The following CAMK2B variants were observed in gnomAD, a reference collection of about 807,000 sequenced individuals.
The protein encoded by CAMK2B is calcium/calmodulin dependent protein kinase II beta.
In CAMK2B, 27 loss-of-function variants were observed where a neutral mutation model predicts 93.7. The ratio of observed to expected loss-of-function variants is 0.29; its 90% CI spans 0.21 to 0.40. The LOEUF is 0.40. Ranked by LOEUF, CAMK2B falls within the 10% of genes least tolerant of loss-of-function variation. The pLI, the probability that CAMK2B is intolerant of heterozygous loss-of-function variation, is 1.00. For missense variants in CAMK2B, 568 were observed against 895.8 expected (o/e 0.63, Z 4.67); for synonymous variants, 374 against 358.8 (o/e 1.04, Z -0.48).
chr7:44,272,322 G>T (rs747668413), intron 2 of CAMK2B, among the ~76,000 whole-genome samples: 1 of 152,098 alleles, frequency 6.6e-6, no homozygotes, highest in African/African-American at 2.4e-5. Context: ...GGTGTCGAAG[G>T]GGGTAGGCGG....
intron 5 of CAMK2B, among the ~76,000 whole-genome samples, chr7:44,250,819 T>C (rs1442394514): frequency 2.6e-5 from 4 of 152,202 alleles, no homozygotes; most frequent in African/African-American, 9.6e-5. Context: ...TGAGCCACCG[T>C]GCCTGGCCAC....
chr7:44,240,407 G>A (rs1291835101), intron 12 of CAMK2B, among the ~76,000 whole-genome samples: 1 of 152,198 alleles, frequency 6.6e-6, no homozygotes, highest in Non-Finnish European at 1.5e-5. Context: ...ACAAACGCCT[G>A]GACAGACACA....
At chr7:44,233,683 G>C (rs2096600016) in intron 15 of CAMK2B, among the ~76,000 whole-genome samples, 1 of 152,140 alleles carries the variant, frequency 6.6e-6, no homozygotes, top group Non-Finnish European at 1.5e-5. Flanking sequence ...ACTGCTATAG[G>C]GTTCACCTGT....
chr7:44,276,490 G>T (rs923349569), intron 2 of CAMK2B, among the ~76,000 whole-genome samples: 2 of 152,202 alleles, frequency 1.3e-5, no homozygotes, highest in Non-Finnish European at 2.9e-5. Context: ...GGGAAAGGGG[G>T]GGCGTGCAGG....
At chr7:44,318,636 C>T (rs1280472167) in intron 1 of CAMK2B, among the ~76,000 whole-genome samples, 4 of 152,220 alleles carry the variant, frequency 2.6e-5, no homozygotes, top group African/African-American at 4.8e-5. Flanking sequence ...ATTGTAAGGG[C>T]GACAGCAGCT....
At chr7:44,233,726 G>A (rs537999164) in intron 15 of CAMK2B, among the ~76,000 whole-genome samples, 8 of 152,322 alleles carry the variant, frequency 5.3e-5, no homozygotes, top group South Asian at 2.1e-4. Context: ...ACTGAGGGGC[G>A]CAGTTGGAGC....
intron 6 of CAMK2B, among the ~76,000 whole-genome samples, chr7:44,243,949 G>A (rs2096706533): frequency 6.6e-6 from 1 of 152,176 alleles, no homozygotes; most frequent in South Asian, 2.1e-4. Flanking sequence ...ACTCCCACTG[G>A]CTGAGAGGCT....
Position 44,311,804 on chromosome 7 carries a change from G to A in CAMK2B, c.65+13553C>T, listed in dbSNP as rs1159020374. On this transcript the variant is annotated intron_variant, in intron 1 of 23. Transcript: ENST00000395749. This position sits in a 1 kb window ranked among gnomAD's most constrained non-coding sequence, Gnocchi z 4.2. ...CCTGCAGACAGGACAAGGGGAAGGG[G>A]TGTGTGACTGACTCTGCCCTACCCC... Among the ~76,000 whole-genome samples the A allele has an allele frequency of 6.6e-6, 1 of 152,218 alleles. No individual in the cohort carries two copies.
At chr7:44,226,489 G>A (rs1046723831) in intron 20 of CAMK2B, 27 bp downstream of exon 20, 8 of 1,387,200 alleles carry the variant, frequency 5.8e-6, no homozygotes, top group African/African-American at 1.5e-5. Context: ...GGCAGCCGCT[G>A]CCACGGCCAC....
intron 1 of CAMK2B, among the ~76,000 whole-genome samples, chr7:44,294,107 G>A (rs1014309291): frequency 2.6e-5 from 4 of 152,028 alleles, no homozygotes; most frequent in East Asian, 1.9e-4. Context: ...CCCTCTTCCC[G>A]CCCAGCATCC....
chr7:44,269,300 G>A (rs759562145), intron 2 of CAMK2B, among the ~76,000 whole-genome samples: 3 of 152,230 alleles, frequency 2.0e-5, no homozygotes. Flanking sequence ...TGTCCCAAGT[G>A]GACAGCACCC....
At chr7:44,282,717 C>T (rs1466457344) in intron 2 of CAMK2B, among the ~76,000 whole-genome samples, 1 of 152,250 alleles carries the variant, frequency 6.6e-6, no homozygotes, top group African/African-American at 2.4e-5. Flanking sequence ...GCCGACACAT[C>T]GCTCCACAAA....
intron 3 of CAMK2B, among the ~76,000 whole-genome samples, chr7:44,261,633 C>T (rs2096880011): frequency 6.6e-6 from 1 of 152,076 alleles, no homozygotes. Context: ...GGGCCGTATG[C>T]ATGTGGACAC....
At chr7:44,262,230 T>C (rs2096884628) in intron 3 of CAMK2B, among the ~76,000 whole-genome samples, 1 of 152,204 alleles carries the variant, frequency 6.6e-6, no homozygotes, top group South Asian at 2.1e-4. Context: ...GGGCTCCTCC[T>C]GGCATAAGTG....
At chr7:44,247,053 A>C (rs2096738262) in intron 6 of CAMK2B, 67 bp downstream of exon 6, 1 of 1,330,392 alleles carries the variant, frequency 7.5e-7, no homozygotes. Context: ...AGCCCCTCAC[A>C]CTTCCTTGTA....
intron 13 of CAMK2B, among the ~76,000 whole-genome samples, chr7:44,237,694 C>CG (rs962446492): frequency 1.6e-4 from 25 of 152,212 alleles, no homozygotes; most frequent in Non-Finnish European, 1.6e-4. Context: ...TTCAAGGGCA[C>CG]GGGAACTTCC....
rs1788860374 is a variant in CAMK2B, at chr7:44,298,273, G to C, written c.66-14048C>G. Among the ~76,000 whole-genome samples, 5 of 152,140 alleles carry C rather than the reference G, an allele frequency of 3.3e-5. No homozygotes were observed. In the South Asian group the frequency reaches 6.2e-4, roughly 19 times the overall value. On this transcript the variant is annotated intron_variant, in intron 1 of 23. Transcript: ENST00000395749. ...ATTGATTTTCAACAAACGTGTCAAG[G>C]GTTATTCAATGAAGAAAGGACAGTC...
chr7:44,247,109 T>A lies in CAMK2B; in HGVS notation c.414+11A>T, dbSNP rs543239481. The A allele has an allele frequency of 6.2e-7, 1 of 1,608,922 alleles. No homozygotes were observed. The highest frequency in any genetic ancestry group is 1.3e-5 in the African/African-American group (1 of 74,854). On this transcript the variant is annotated intron_variant, in intron 6 of 23. Coordinates refer to ENST00000395749, the MANE Select transcript of CAMK2B (RefSeq NM_001220.5). ...AACAGACACCTGGCACAGAGTGGGG[T>A]GGGGACTCACCTTGAGGTCTCTGTG... is the stretch of plus-strand genomic sequence containing the variant.
intron 2 of CAMK2B, among the ~76,000 whole-genome samples, chr7:44,273,228 T>C (rs1327910901): frequency 6.6e-6 from 1 of 152,092 alleles, no homozygotes; most frequent in Non-Finnish European, 1.5e-5. Context: ...CTCACCTCGT[T>C]GTTACTCCAA....
Sources: gnomAD v4.1 joint callset for allele counts (sites outside exome capture counted in the v4.1 genomes callset) on GRCh38, gnomAD v4.1.1 for gene constraint, Gnocchi (gnomAD v3.1) non-coding constraint, MANE v1.5 for transcripts, NCBI Gene and HGNC (gene_info 2026-07-23, HGNC 2026-07-21) for gene names.